Variants in PDS5A observed in about 807,000 individuals in gnomAD.
PDS5A encodes sister chromatid cohesion protein PDS5 homolog A.
A neutral mutation model predicts 167.1 loss-of-function variants in PDS5A; 42 were observed. The observed-to-expected ratio is 0.25, with a 90% CI of 0.20 to 0.33. PDS5A has a LOEUF of 0.33. Among genes scored for constraint, PDS5A ranks in the 10% least tolerant of loss-of-function variants. The pLI, the probability that PDS5A is intolerant of heterozygous loss-of-function variation, is 1.00. For synonymous variants in PDS5A, 553 were observed against 554.6 expected, an observed-to-expected ratio of 1.00 and a Z score of 0.04; for missense variants, 1,033 against 1,605.9, an observed-to-expected ratio of 0.64 and a Z score of 6.10.
At chr4:39,973,671 T>C (rs1251314936) in intron 2 of PDS5A, 5 of 1,293,590 alleles carry the variant, frequency 3.9e-6, no homozygotes, top group South Asian at 2.4e-5. Flanking sequence ...AACCATCGTA[T>C]GTAGCTTTAG....
At position 39,823,868 on chromosome 4, in the gene PDS5A, T is replaced by C. The variant is rs1715052388; in HGVS notation, c.*1617A>G. On this transcript the variant is annotated 3_prime_UTR_variant, in exon 33 of 33. Coordinates refer to ENST00000303538, the MANE Select transcript of PDS5A (RefSeq NM_001100399.2). The stretch of plus-strand genomic sequence containing the variant: ...AGTCAATACACAGCCAACTCTTGAT[T>C]ATCTATGAGAAACGTAAGTGACATT... 6.5e-6 allele frequency: 1 copy of C among 152,736 alleles called. No individual in the cohort carries two copies. The highest frequency in any genetic ancestry group is 2.1e-4 in the South Asian group (1 of 4,832). The allele number at this position is 152,736 out of a possible 1,614,324, so 9.5% of individuals were successfully genotyped here. A position where few individuals can be genotyped will look rare whatever the true frequency, so the allele number is the denominator to read the frequency against.
chr4:39,875,015 G>C (rs1720346312), intron 19 of PDS5A, among the ~76,000 whole-genome samples: 1 of 152,122 alleles, frequency 6.6e-6, no homozygotes, highest in African/African-American at 2.4e-5. Context: ...TTACACAGAT[G>C]AGAAAATTAA....
intron 22 of PDS5A, among the ~76,000 whole-genome samples, chr4:39,867,549 TAA>T (rs11357236): frequency 1.3e-3 from 142 of 111,752 alleles, no homozygotes; most frequent in Admixed American, 1.8e-3. Context: ...CCGTCTCTAC[TAA>T]AAAAAAAAAA....
At chr4:39,879,697 A>G in intron 18 of PDS5A, 31 bp downstream of exon 18, 1 of 1,344,808 alleles carries the variant, frequency 7.4e-7, no homozygotes, top group Non-Finnish European at 1.1e-6. Flanking sequence ...CCCCACGGAA[A>G]TACATGGCAA....
chr4:39,856,998 C>T (rs558551480), intron 26 of PDS5A, among the ~76,000 whole-genome samples: 1 of 152,038 alleles, frequency 6.6e-6, no homozygotes. Context: ...AACAAATTTG[C>T]TACTATTCAA....
At chr4:39,850,211 A>T (rs952603669) in intron 26 of PDS5A, among the ~76,000 whole-genome samples, 3 of 151,454 alleles carry the variant, frequency 2.0e-5, no homozygotes, top group Admixed American at 6.6e-5. Flanking sequence ...GGCAGAGCTT[A>T]CAGTGAGCTG....
At chr4:39,852,704 T>C (rs774159749) in intron 26 of PDS5A, among the ~76,000 whole-genome samples, 7 of 152,170 alleles carry the variant, frequency 4.6e-5, no homozygotes, top group Non-Finnish European at 8.8e-5. Flanking sequence ...AAATTACTCC[T>C]AGGAAGCTTG....
intron 17 of PDS5A, among the ~76,000 whole-genome samples, chr4:39,880,288 A>G (rs1376486137): frequency 6.6e-6 from 1 of 152,174 alleles, no homozygotes; most frequent in Non-Finnish European, 1.5e-5. Context: ...ATAAACTTAC[A>G]GCAAAGAAGC....
intron 21 of PDS5A, among the ~76,000 whole-genome samples, chr4:39,872,172 C>CTTTT (rs35032799): frequency 4.2e-5 from 4 of 95,486 alleles, no homozygotes; most frequent in Non-Finnish European, 4.5e-5. Context: ...AGTCCACTTA[C>CTTTT]TTTTTTTTTT....
intron 2 of PDS5A, among the ~76,000 whole-genome samples, chr4:39,951,916 A>C (rs1032353590): frequency 7.3e-5 from 11 of 151,416 alleles, no homozygotes; most frequent in Non-Finnish European, 1.6e-4. Context: ...AAAAAAAAAA[A>C]AAAATCTGTA....
chr4:39,829,689 C>T (rs1054058863), intron 32 of PDS5A, among the ~76,000 whole-genome samples: 14 of 150,608 alleles, frequency 9.3e-5, no homozygotes, highest in African/African-American at 2.7e-4. Flanking sequence ...CGGTGGCTCA[C>T]GCCTGTAATC....
chr4:39,976,725 G>T (rs1731124933), intron 1 of PDS5A, 108 bp from the exon 2 acceptor site: 1 of 549,076 alleles, frequency 1.8e-6, no homozygotes, highest in East Asian at 3.2e-5. Flanking sequence ...CCAGAGGCCG[G>T]GGACCCGGCA....
intron 2 of PDS5A, among the ~76,000 whole-genome samples, chr4:39,947,629 T>C (rs1727903127): frequency 6.6e-6 from 1 of 152,084 alleles, no homozygotes; most frequent in Middle Eastern, 3.2e-3. Context: ...ACAAAAAAAA[T>C]TGCACAATAG....
chr4:39,910,048 A>T (rs112448488), intron 10 of PDS5A, 196 bp downstream of exon 10: 4,279 of 424,302 alleles, frequency 0.01, 112 homozygotes, highest in Non-Finnish European at 8.1e-3. Flanking sequence ...CTTAAAATAA[A>T]CAAACAAACA....
intron 3 of PDS5A, 67 bp from the exon 4 acceptor site, chr4:39,926,928 G>A: frequency 8.2e-7 from 1 of 1,223,706 alleles, no homozygotes; most frequent in Non-Finnish European, 1.1e-6. Flanking sequence ...CTAATAGTAT[G>A]TAACTTTATT....
At chr4:39,948,621 A>ATT (rs55951253) in intron 2 of PDS5A, among the ~76,000 whole-genome samples, 5,452 of 110,846 alleles carry the variant, frequency 0.049, 201 homozygotes, top group East Asian at 0.23. Flanking sequence ...CCACGCCTGG[A>ATT]TTTTTTTTTT....
chr4:39,852,405 C>A (rs188711651), intron 26 of PDS5A, among the ~76,000 whole-genome samples: 2 of 152,214 alleles, frequency 1.3e-5, no homozygotes, highest in Non-Finnish European at 2.9e-5. Context: ...TTCCCATGAT[C>A]CTCTGCTTCT....
chr4:39,827,538 C>G (rs1345045470), intron 32 of PDS5A, among the ~76,000 whole-genome samples: 1 of 152,078 alleles, frequency 6.6e-6, no homozygotes, highest in Non-Finnish European at 1.5e-5. Context: ...TCATATTGAA[C>G]TAATATATAG....
intron 18 of PDS5A, 76 bp from the exon 19 acceptor site, chr4:39,877,229 G>GAAA: frequency 1.2e-6 from 1 of 834,062 alleles, no homozygotes; most frequent in Non-Finnish European, 1.8e-6. Context: ...TCCCGCAAAA[G>GAAA]AAAAAAAAAA....
Sources: gnomAD v4.1 joint callset for allele counts (sites outside exome capture counted in the v4.1 genomes callset) on GRCh38, gnomAD v4.1.1 for gene constraint, MANE v1.5 for transcripts, NCBI Gene and HGNC (gene_info 2026-07-23, HGNC 2026-07-21) for gene names.